The following CCDC82 variants were observed in gnomAD, a reference collection of about 807,000 sequenced individuals.
CCDC82 encodes coiled-coil domain containing 82.
CCDC82 carries 47 observed loss-of-function variants against 60.6 expected under a neutral mutation model. The observed-to-expected ratio is 0.77, with a 90% CI of 0.61 to 0.99. The LOEUF is 0.99. CCDC82 is among the 50% of genes least tolerant of loss of function. CCDC82 has a pLI of 0.00. For missense variants in CCDC82, 588 were observed against 633.0 expected (o/e 0.93, Z 0.76); for synonymous variants, 212 against 207.4 (o/e 1.02, Z -0.19).
intron 5 of CCDC82, among the ~76,000 whole-genome samples, chr11:96,375,416 T>C (rs1332750211): frequency 6.6e-6 from 1 of 152,158 alleles, no homozygotes; most frequent in African/African-American, 2.4e-5. Context: ...CAGAATGTAC[T>C]TCAAAAAAGT....
At chr11:96,383,867 G>A in intron 4 of CCDC82, 95 bp downstream of exon 4, 1 of 1,086,050 alleles carries the variant, frequency 9.2e-7, no homozygotes, top group Non-Finnish European at 1.3e-6. Flanking sequence ...TAGAATTATT[G>A]AGAAATGGAA....
At chr11:96,380,761 C>T (rs1363439396) in intron 5 of CCDC82, 11 of 151,658 alleles carry the variant, frequency 7.3e-5, no homozygotes, top group Admixed American at 5.9e-4. Flanking sequence ...GTGATTCCAA[C>T]TATATGACAG....
chr11:96,374,964 G>A (rs1344292835), intron 5 of CCDC82, among the ~76,000 whole-genome samples: 2 of 151,268 alleles, frequency 1.3e-5, no homozygotes, highest in African/African-American at 2.4e-5. Context: ...TGGGGGACAT[G>A]CAAACATTCA....
rs199786105 is a variant in CCDC82 at position 96,383,353 on chromosome 11, C to A, written c.907G>T (p.Glu303Ter). ...YIIDDFVVQD[E>*]EGDEENKNQQ... ...TTTTTATTCTCTTCATCACCCTCCT[C>A]ATCTTGCACTACAAAGTCATCGATA... Residue 303 changes from glutamate (E) to a stop codon, truncating the protein, a stop_gained, in exon 5 of 10, where the codon GAG becomes TAG. Coordinates refer to ENST00000646818, the MANE Select transcript of CCDC82 (RefSeq NM_024725.4). LOFTEE classifies it high-confidence loss of function. 9 of 1,605,876 alleles carry A rather than the reference C, an allele frequency of 5.6e-6. No homozygotes were observed. Among genetic ancestry groups the A allele is most frequent in the African/African-American group, 1.3e-5 (1 of 74,842 alleles).
chr11:96,383,205 A>C (rs1385457304), intron 5 of CCDC82, 64 bp downstream of exon 5: 1 of 970,918 alleles, frequency 1.0e-6, no homozygotes, highest in Non-Finnish European at 1.7e-6. Context: ...TAAAAGGCTA[A>C]TTTGATACTT....
chr11:96,353,598 A>G lies in CCDC82; in HGVS notation c.*48T>C. The G allele has an allele frequency of 7.7e-7, 1 of 1,293,270 alleles. No homozygotes were observed. The highest frequency in any genetic ancestry group is 1.2e-5 in the South Asian group (1 of 84,052). The allele number at this position is 1,293,270 out of a possible 1,614,324, so 80.1% of individuals were successfully genotyped here. ...ATGATACAGAAAAACAAGAATCATG[A>G]TCTTCACATTTACAGGAATTTAAAA... On this transcript the variant is annotated 3_prime_UTR_variant, in exon 10 of 10. Transcript: ENST00000646818.
intron 5 of CCDC82, among the ~76,000 whole-genome samples, chr11:96,380,155 CTG>C (rs1865792612): frequency 6.6e-6 from 1 of 151,664 alleles, no homozygotes; most frequent in African/African-American, 2.4e-5. Flanking sequence ...AACAATTTCA[CTG>C]GACTGACACA....
At chr11:96,377,377 CAT>C (rs1555054155) in intron 5 of CCDC82, among the ~76,000 whole-genome samples, 23 of 151,134 alleles carry the variant, frequency 1.5e-4, no homozygotes, top group South Asian at 6.4e-4. Flanking sequence ...CACACACACA[CAT>C]ATTATGTTCA....
At chr11:96,377,542 T>C (rs905140115) in intron 5 of CCDC82, among the ~76,000 whole-genome samples, 2 of 152,166 alleles carry the variant, frequency 1.3e-5, no homozygotes, top group African/African-American at 2.4e-5. Flanking sequence ...AATACTGTCA[T>C]GTAAAGGACG....
intron 5 of CCDC82, chr11:96,380,955 C>A (rs1204609235): frequency 1.3e-5 from 2 of 151,308 alleles, no homozygotes; most frequent in African/African-American, 4.8e-5. Context: ...AAAAATGAGC[C>A]CTGTTGTGAA....
chr11:96,383,493 T>G lies in CCDC82; in HGVS notation c.787-20A>C, dbSNP rs201134348. 2.0e-6 allele frequency: 3 copies of G among 1,502,298 alleles called. No homozygotes were observed. In the African/African-American group the frequency reaches 4.2e-5, roughly 21 times the overall value. The allele number at this position is 1,502,298 out of a possible 1,614,324, so 93.1% of individuals were successfully genotyped here. ...AGAGTCCTAATTAAATTAAAATAAA[T>G]GCTTCAGTAAATGGTGCTATTAAAA... On this transcript the variant is annotated intron_variant, in intron 4 of 9. Transcript: ENST00000646818.
chr11:96,381,608 CATAATA>C (rs916737528), intron 5 of CCDC82: 2 of 151,568 alleles, frequency 1.3e-5, no homozygotes, highest in Non-Finnish European at 3.0e-5. Context: ...TTATAGGAAT[CATAATA>C]ATAATAATTT....
rs976072152 is a variant in CCDC82 at position 96,353,305 on chromosome 11, G to C, written c.*341C>G. The stretch of plus-strand genomic sequence containing the variant: ...TCCGTAAAAATACATGTAGACGTTA[G>C]TCTAAATACATTTTTAAGATACAAT... On this transcript the variant is annotated 3_prime_UTR_variant, in exon 10 of 10. Transcript: ENST00000646818. 1.6e-5 allele frequency: 3 copies of C among 189,978 alleles called. No homozygotes were observed. Among genetic ancestry groups the C allele is most frequent in the African/African-American group, 7.1e-5 (3 of 42,174 alleles). The allele number at this position is 189,978 out of a possible 1,614,324, so 11.8% of individuals were successfully genotyped here.
chr11:96,384,479 A>T lies in CCDC82; in HGVS notation c.269T>A (p.Ile90Asn). ...GSERELNLSK[I>N]QSEGNDSKCL... ...CTTACTGTCATTTCCTTCACTTTGA[A>T]TTTTACTTAAGTTGAGCTCTCTTTC... Residue 90 changes from isoleucine to asparagine, a missense_variant, in exon 4 of 10, where the codon ATT becomes AAT. Transcript: ENST00000646818. The T allele has an allele frequency of 1.2e-6, 2 of 1,613,716 alleles. No individual in the cohort carries two copies. The highest frequency in any genetic ancestry group is 2.2e-5 in the South Asian group (2 of 91,074).
In CCDC82 at chr11:96,353,686, T is replaced by C. The variant is rs2136039143; in HGVS notation, c.1595A>G (p.Asn532Ser). ...EKYGQLEEYL[N>S]FADYFQEEKF... The stretch of plus-strand genomic sequence containing the variant: ...CTCTTCTTGAAAGTAATCCGCAAAA[T>C]TGAGATATTCTTCAAGTTGACCATA... Residue 532 changes from asparagine to serine, a missense_variant, in exon 10 of 10, where the codon AAT becomes AGT. By Grantham distance (46) the Asn-to-Ser change is conservative. Transcript: ENST00000646818. The C allele has an allele frequency of 1.9e-6, 3 of 1,610,732 alleles. No homozygotes were observed. Among genetic ancestry groups the C allele is most frequent in the Non-Finnish European group, 2.5e-6 (3 of 1,178,654 alleles).
chr11:96,365,251 G>C (rs1019830669), intron 7 of CCDC82, 101 bp from the exon 8 acceptor site: 11 of 715,746 alleles, frequency 1.5e-5, no homozygotes, highest in Non-Finnish European at 2.2e-5. Flanking sequence ...AATACAAAGA[G>C]ATATAAGAGC....
At chr11:96,361,765 T>C (rs1223930587) in intron 8 of CCDC82, among the ~76,000 whole-genome samples, 1 of 152,216 alleles carries the variant, frequency 6.6e-6, no homozygotes, top group African/African-American at 2.4e-5. Context: ...TCTCTGGTGT[T>C]AGAATGATTT....
At chr11:96,373,250 C>T (rs545663357) in intron 6 of CCDC82, 125 bp downstream of exon 6, 198 of 584,556 alleles carry the variant, frequency 3.4e-4, no homozygotes, top group African/African-American at 2.7e-3. Flanking sequence ...ACAGGGAAAA[C>T]ATTGGAAGGT....
intron 5 of CCDC82, chr11:96,380,766 T>C (rs1382431365): frequency 6.6e-6 from 1 of 151,800 alleles, no homozygotes; most frequent in Non-Finnish European, 1.5e-5. Flanking sequence ...TCCAACTATA[T>C]GACAGTTTGG....
Sources: gnomAD v4.1 joint callset for allele counts (sites outside exome capture counted in the v4.1 genomes callset) on GRCh38, gnomAD v4.1.1 for gene constraint, MANE v1.5 for transcripts, NCBI Gene and HGNC (gene_info 2026-07-23, HGNC 2026-07-21) for gene names.